The following MED16 variants were observed in gnomAD, a reference collection of about 807,000 sequenced individuals.
MED16 encodes mediator of RNA polymerase II transcription subunit 16.
Under a neutral mutation model 84.4 loss-of-function variants are expected in MED16, and 81 were observed. That is an observed-to-expected ratio of 0.96 (90% CI 0.80 to 1.15). The LOEUF is 1.15. Ranked by LOEUF, MED16 falls within the 50% of genes most tolerant of loss-of-function variation. The pLI is 0.00. For synonymous variants in MED16, 897 were observed against 552.2 expected (o/e 1.62, Z -8.76); for missense variants, 1,585 against 1,245.9 (o/e 1.27, Z -4.10).
chr19:884,140 G>C (rs934686092), intron 6 of MED16, among the ~76,000 whole-genome samples: 6 of 152,154 alleles, frequency 3.9e-5, no homozygotes, highest in African/African-American at 1.4e-4. Context: ...GGGTCCATTA[G>C]CGCTAATCGG....
In MED16 at chr19:884,970, C is replaced by T; in HGVS notation, c.918G>A (p.Val306=). 1 of 1,608,532 alleles carries T rather than the reference C, an allele frequency of 6.2e-7. No individual in the cohort carries two copies. Among genetic ancestry groups the T allele is most frequent in the Non-Finnish European group, 8.5e-7 (1 of 1,179,114 alleles). The part of the protein sequence containing the change: ...LCASSQTSSI[V]ECWSLRKEGL... Reference sequence around the variant, plus strand: ...CCTCCTTGCGCAGGGACCAGCACTCCACGATGCTGCTGGTCTGGCTGGACG... The same window carrying T: ...CCTCCTTGCGCAGGGACCAGCACTCTACGATGCTGCTGGTCTGGCTGGACG... Residue 306 remains valine (V), a synonymous_variant, in exon 6 of 16, where the codon GTG becomes GTA. Transcript: ENST00000325464.
In MED16 at chr19:889,696, G is replaced by A. The variant is rs771076722; in HGVS notation, c.389C>T (p.Pro130Leu). Residue 130 changes from proline (P) to leucine (L), a missense_variant, in exon 4 of 16, where the codon CCC becomes CTC. By Grantham distance (98) the Pro-to-Leu change is moderately conservative. Coordinates refer to ENST00000325464, the MANE Select transcript of MED16 (RefSeq NM_005481.3). ...GTGCAGCCAGGACAGGGCCACAATG[G>A]GGTCCCCCTCCACTAGGCTGCCCAC... Reference protein sequence around the residue: ...SSVGSLVEGDPIVALSWLHNG... With the variant: ...SSVGSLVEGDLIVALSWLHNG... The A allele has an allele frequency of 6.2e-7, 1 of 1,613,870 alleles. No individual in the cohort carries two copies. The highest frequency in any genetic ancestry group is 1.7e-5 in the Admixed American group (1 of 60,004).
rs754159368 is a variant in MED16, at chr19:873,594, C to T, written c.1772-12G>A. On this transcript the variant is annotated splice_polypyrimidine_tract_variant and intron_variant, in intron 10 of 15. Coordinates refer to ENST00000325464, the MANE Select transcript of MED16 (RefSeq NM_005481.3). ...GACCTTGTCAATGTCTACAAGGAGA[C>T]GTGGGTCGGGTCAGCTCGGGCCTCT... 8.7e-6 allele frequency: 14 copies of T among 1,611,764 alleles called. No homozygotes were observed. The highest frequency in any genetic ancestry group is 6.7e-5 in the Admixed American group (4 of 59,970).
In MED16 at chr19:871,668, G is replaced by A. The variant is rs560956808; in HGVS notation, c.2098+258C>T. Reference sequence around the variant, plus strand: ...GCATGGACCTGTGCTAGGAACTGGGGAAATAGCAGATATCAAGGCAGAGCC... The same window carrying A: ...GCATGGACCTGTGCTAGGAACTGGGAAAATAGCAGATATCAAGGCAGAGCC... On this transcript the variant is annotated intron_variant, in intron 12 of 15. Coordinates refer to ENST00000325464, the MANE Select transcript of MED16 (RefSeq NM_005481.3). 2.0e-3 allele frequency: 3,144 copies of A among 1,576,918 alleles called. 6 individuals are homozygous for A. The highest frequency in any genetic ancestry group is 2.4e-3 in the Non-Finnish European group (2,841 of 1,164,938).
Position 871,184 on chromosome 19 carries a change from TG to T in MED16, c.2167del (p.Gln723SerfsTer94). Reference protein sequence around the residue: ...LVDECCLLPSQLLIPSLDWLP... With the variant: ...LVDECCLLPSXLLIPSLDWLP... The stretch of plus-strand genomic sequence containing the variant: ...CCAGTCCAGGCTGGGGATAAGCAGC[TG>T]GCTGGGCAGCAGGCAGCATTCATCC... On this transcript the variant is annotated frameshift_variant, in exon 13 of 16. Coordinates refer to ENST00000325464, the MANE Select transcript of MED16 (RefSeq NM_005481.3). LOFTEE classifies it high-confidence loss of function. The T allele has an allele frequency of 3.9e-6, 6 of 1,549,802 alleles. No homozygotes were observed. Among genetic ancestry groups the T allele is most frequent in the Non-Finnish European group, 5.2e-6 (6 of 1,146,576 alleles).
At chr19:890,402 C>T (rs1271923363) in intron 2 of MED16, 158 bp from the exon 3 acceptor site, 2 of 563,378 alleles carry the variant, frequency 3.6e-6, no homozygotes, top group East Asian at 5.9e-5. Flanking sequence ...ACAGGCTGTC[C>T]CCCCGCAGGA....
intron 12 of MED16, chr19:871,687 C>T (rs202000331): frequency 2.8e-5 from 42 of 1,488,946 alleles, no homozygotes; most frequent in South Asian, 3.4e-5. Flanking sequence ...GATATCAAGG[C>T]AGAGCCACTG....
chr19:876,450 G>A (rs1301647156), intron 9 of MED16, among the ~76,000 whole-genome samples: 1 of 152,122 alleles, frequency 6.6e-6, no homozygotes, highest in African/African-American at 2.4e-5. Flanking sequence ...CACATTCTGA[G>A]AGGATGGCTT....
intron 4 of MED16, 99 bp from the exon 5 acceptor site, chr19:886,300 AG>A: frequency 2.8e-6 from 3 of 1,088,352 alleles, no homozygotes; most frequent in Non-Finnish European, 3.8e-6. Flanking sequence ...CGCAGAAGCC[AG>A]GAGTGTGTGC....
intron 4 of MED16, among the ~76,000 whole-genome samples, chr19:888,460 G>A (rs369070095): frequency 2.0e-5 from 3 of 150,640 alleles, no homozygotes; most frequent in African/African-American, 4.9e-5. Flanking sequence ...GGAGGCAGAG[G>A]TTGCTGTGAG....
intron 13 of MED16, 48 bp downstream of exon 13, chr19:870,989 C>G: frequency 6.9e-7 from 1 of 1,439,998 alleles, no homozygotes; most frequent in Admixed American, 2.2e-5. Flanking sequence ...GGGCAGGACA[C>G]GGAGGAAGGA....
chr19:883,753 G>C (rs1027690117), intron 6 of MED16, among the ~76,000 whole-genome samples: 3 of 152,030 alleles, frequency 2.0e-5, no homozygotes, highest in African/African-American at 4.8e-5. Flanking sequence ...TGAAGGTGCA[G>C]GTCTGTGCAG....
At chr19:869,145 C>G (rs1221987355) in intron 13 of MED16, among the ~76,000 whole-genome samples, 199 bp from the exon 14 acceptor site, 1 of 152,010 alleles carries the variant, frequency 6.6e-6, no homozygotes, top group East Asian at 1.9e-4. Flanking sequence ...CGGGACCCCC[C>G]ACACGGAGGA....
At chr19:885,068 C>G in intron 5 of MED16, 60 bp from the exon 6 acceptor site, 1 of 1,346,462 alleles carries the variant, frequency 7.4e-7, no homozygotes, top group Non-Finnish European at 1.0e-6. Context: ...ACGCCACCAC[C>G]GGAGCCTGAG....
intron 12 of MED16, 68 bp from the exon 13 acceptor site, chr19:871,321 C>T (rs1361511613): frequency 1.4e-6 from 2 of 1,451,280 alleles, no homozygotes; most frequent in Non-Finnish European, 1.8e-6. Context: ...CCGGGACGTG[C>T]TGGGAGCCCC....
At chr19:876,127 G>T (rs990509534) in intron 9 of MED16, among the ~76,000 whole-genome samples, 1 of 152,178 alleles carries the variant, frequency 6.6e-6, no homozygotes, top group Non-Finnish European at 1.5e-5. Context: ...AGGCTGTGCC[G>T]TGAATGGGAT....
At position 868,000 on chromosome 19, in the gene MED16, G is replaced by A. The variant is rs866866549; in HGVS notation, c.*101C>T. The A allele has an allele frequency of 2.1e-6, 3 of 1,438,354 alleles. No individual in the cohort carries two copies. Among genetic ancestry groups the A allele is most frequent in the South Asian group, 2.8e-5 (2 of 72,334 alleles). The allele number at this position is 1,438,354 out of a possible 1,614,324, so 89.1% of individuals were successfully genotyped here. ...GCGTTTATTGGACCTGTCCTTCCCA[G>A]CCGCTGCTTGTCCAGGTTCAGCGCT... On this transcript the variant is annotated 3_prime_UTR_variant, in exon 16 of 16. Coordinates refer to ENST00000325464, the MANE Select transcript of MED16 (RefSeq NM_005481.3).
intron 14 of MED16, 42 bp downstream of exon 14, chr19:868,821 G>A (rs924443974): frequency 1.4e-5 from 21 of 1,533,216 alleles, no homozygotes; most frequent in Non-Finnish European, 1.7e-5. Context: ...GCCATCCCCA[G>A]CGGCACATCT....
intron 6 of MED16, among the ~76,000 whole-genome samples, chr19:883,447 TG>T (rs1453983916): frequency 8.9e-6 from 1 of 112,768 alleles, no homozygotes; most frequent in Non-Finnish European, 1.8e-5. Context: ...CGTGAAGAGC[TG>T]GGCATGGCGG....
Sources: gnomAD v4.1 joint callset for allele counts (sites outside exome capture counted in the v4.1 genomes callset) on GRCh38, gnomAD v4.1.1 for gene constraint, MANE v1.5 for transcripts, NCBI Gene and HGNC (gene_info 2026-07-23, HGNC 2026-07-21) for gene names.